BABAM2: variants seen among roughly 807,000 people sequenced by gnomAD.
BABAM2 encodes the protein BRISC and BRCA1-A complex member 2.
BABAM2 carries 31 observed loss-of-function variants against 54.7 expected under a neutral mutation model. The observed-to-expected ratio is 0.57, with a 90% CI of 0.43 to 0.77. The LOEUF (loss-of-function observed/expected upper bound fraction) is 0.77, where lower values mean the gene tolerates loss of function less well. BABAM2 is among the 30% of genes least tolerant of loss of function. The pLI is 0.00. For missense variants in BABAM2, 364 were observed against 455.8 expected (o/e 0.80, Z 1.83); for synonymous variants, 167 against 162.9 (o/e 1.03, Z -0.19).
intron 5 of BABAM2, among the ~76,000 whole-genome samples, chr2:28,028,369 AT>A (rs1384230209): frequency 2.0e-5 from 3 of 151,936 alleles, no homozygotes; most frequent in Admixed American, 1.3e-4. Flanking sequence ...GTTAGGTCCA[AT>A]ATCCCACCCT....
chr2:28,019,090 A>G (rs900925668), intron 4 of BABAM2, among the ~76,000 whole-genome samples: 4 of 152,042 alleles, frequency 2.6e-5, no homozygotes, highest in African/African-American at 9.7e-5. Flanking sequence ...TATGAGTGAG[A>G]GCATGCAGTG....
chr2:28,287,556 G>A (rs965498054), intron 10 of BABAM2, among the ~76,000 whole-genome samples: 17 of 152,150 alleles, frequency 1.1e-4, no homozygotes, highest in Admixed American at 5.9e-4. Context: ...CTAACATAAA[G>A]ATAAGTACAC....
chr2:28,289,848 A>G (rs1012270108), intron 10 of BABAM2, among the ~76,000 whole-genome samples: 1 of 152,098 alleles, frequency 6.6e-6, no homozygotes, highest in African/African-American at 2.4e-5. Context: ...GAAAGGAGAA[A>G]GGAAAGGAGA....
intron 11 of BABAM2, among the ~76,000 whole-genome samples, chr2:28,331,847 G>C (rs946008249): frequency 2.0e-5 from 3 of 152,150 alleles, no homozygotes; most frequent in African/African-American, 2.4e-5. Flanking sequence ...AAATCATTCT[G>C]TTATAAAGAT....
chr2:28,113,920 G>A (rs1668362888), intron 6 of BABAM2, among the ~76,000 whole-genome samples: 1 of 152,168 alleles, frequency 6.6e-6, no homozygotes, highest in South Asian at 2.1e-4. Flanking sequence ...TTGTGAATGG[G>A]AGTACACTCA....
chr2:28,174,294 G>A (rs925552833), intron 7 of BABAM2, among the ~76,000 whole-genome samples: 7 of 152,140 alleles, frequency 4.6e-5, no homozygotes, highest in African/African-American at 1.2e-4. Flanking sequence ...ACCTGTCCTC[G>A]TGGAGATTCC....
In BABAM2 at chr2:28,001,757, GA is replaced by G. The variant is rs1558648732; in HGVS notation, c.300+13671del. On this transcript the variant is annotated intron_variant, in intron 4 of 11. Transcript: ENST00000379624. ...GTGAGAGCAGGAGCAAGAGAGAGAG[GA>G]GGGGGGTGCTACACTTCTTCAAACA... Among the ~76,000 whole-genome samples the G allele has an allele frequency of 2.6e-5, 4 of 152,014 alleles. No individual in the cohort carries two copies. The East Asian group carries it at 5.8e-4, about 22-fold the overall frequency.
At chr2:28,026,885 TAGATATATATAA>T (rs1675810496) in intron 5 of BABAM2, among the ~76,000 whole-genome samples, 2 of 40,276 alleles carry the variant, frequency 5.0e-5, no homozygotes, top group Non-Finnish European at 9.2e-5. Flanking sequence ...TATATATATA[TAGATATATATAA>T]ATATATATAA....
chr2:28,083,018 A>G (rs1665315310), intron 6 of BABAM2, among the ~76,000 whole-genome samples: 1 of 152,174 alleles, frequency 6.6e-6, no homozygotes, highest in African/African-American at 2.4e-5. Flanking sequence ...ATCCTCTGCC[A>G]TCATCCTCCC....
At chr2:28,046,247 G>C (rs1037360589) in intron 6 of BABAM2, among the ~76,000 whole-genome samples, 1 of 152,150 alleles carries the variant, frequency 6.6e-6, no homozygotes, top group African/African-American at 2.4e-5. Context: ...CTGAGGTCAG[G>C]AGTTTGAGAC....
At chr2:28,189,797 T>C (rs1676708908) in intron 7 of BABAM2, among the ~76,000 whole-genome samples, 1 of 151,878 alleles carries the variant, frequency 6.6e-6, no homozygotes. Flanking sequence ...AAAATGTATA[T>C]ATAAATGCCA....
intron 5 of BABAM2, among the ~76,000 whole-genome samples, chr2:28,036,693 T>C (rs940645490): frequency 1.3e-5 from 2 of 152,322 alleles, no homozygotes; most frequent in Middle Eastern, 3.4e-3. Context: ...ACTGAGGCCA[T>C]GCTATGTTTT....
At chr2:27,933,412 A>G (rs1442735207) in intron 3 of BABAM2, among the ~76,000 whole-genome samples, 1 of 152,086 alleles carries the variant, frequency 6.6e-6, no homozygotes, top group Non-Finnish European at 1.5e-5. Context: ...TTGATCATGG[A>G]AACTATATTT....
In BABAM2 at chr2:28,025,234, C is replaced by T. The variant is rs1455955875; in HGVS notation, c.309C>T (p.Ala103=). The change falls in exon 5 of 12, where the codon GCC becomes GCT. Residue 103 remains alanine, a synonymous_variant. Transcript: ENST00000379624. Reference sequence around the variant, plus strand: ...TGTTACGACTTCTACAGAATCTTGCCTCCTGGAATCCTTCAAATCCTGAAT... The same window carrying T: ...TGTTACGACTTCTACAGAATCTTGCTTCCTGGAATCCTTCAAATCCTGAAT... The part of the protein sequence containing the change: ...LPDPSALQNL[A]SWNPSNPECL... 3 of 1,585,758 alleles carry T rather than the reference C, an allele frequency of 1.9e-6. No individual in the cohort carries two copies. The highest frequency in any genetic ancestry group is 2.7e-5 in the African/African-American group (2 of 72,970).
intron 5 of BABAM2, among the ~76,000 whole-genome samples, chr2:28,031,908 A>G (rs1448600409): frequency 1.3e-5 from 2 of 152,220 alleles, no homozygotes; most frequent in African/African-American, 4.8e-5. Flanking sequence ...TGGCTTACTG[A>G]TCAGTAAAAC....
chr2:28,206,006 T>G (rs139423617), intron 7 of BABAM2, among the ~76,000 whole-genome samples: 1 of 152,308 alleles, frequency 6.6e-6, no homozygotes, highest in African/African-American at 2.4e-5. Flanking sequence ...AAGGCTTTCG[T>G]GTAGGACTGA....
At chr2:28,142,590 G>T (rs1325444718) in intron 7 of BABAM2, among the ~76,000 whole-genome samples, 15 of 151,974 alleles carry the variant, frequency 9.9e-5, no homozygotes, top group Non-Finnish European at 1.5e-5. Context: ...ATGTCAGATT[G>T]GGTTTCTTTG....
intron 7 of BABAM2, among the ~76,000 whole-genome samples, chr2:28,163,116 C>T (rs1163349969): frequency 6.6e-6 from 1 of 151,952 alleles, no homozygotes; most frequent in Non-Finnish European, 1.5e-5. Flanking sequence ...TGAGGTGCCC[C>T]CCGAAAAAAG....
At chr2:28,218,705 G>A (rs1464885988) in intron 7 of BABAM2, among the ~76,000 whole-genome samples, 2 of 152,108 alleles carry the variant, frequency 1.3e-5, no homozygotes, top group Admixed American at 1.3e-4. Context: ...GAACTCCGTG[G>A]AGTGATGTGT....
Sources: allele counts gnomAD v4.1 joint callset (sites outside exome capture counted in the v4.1 genomes callset), GRCh38; gene constraint gnomAD v4.1.1; transcripts MANE v1.5; gene names NCBI Gene and HGNC (gene_info 2026-07-23, HGNC 2026-07-21).